The following BBS9 variants were observed in gnomAD, a reference collection of about 807,000 sequenced individuals.
BBS9 encodes the protein protein PTHB1.
In BBS9, 89 loss-of-function variants were observed where a neutral mutation model predicts 117.7. The ratio of observed to expected loss-of-function variants is 0.76; its 90% confidence interval spans 0.64 to 0.90. BBS9 has a LOEUF of 0.90. Ranked by LOEUF, BBS9 falls within the 40% of genes least tolerant of loss-of-function variation. BBS9 has a pLI of 0.00. For synonymous variants in BBS9, 379 were observed against 370.9 expected (o/e 1.02, Z -0.25); for missense variants, 982 against 1,042.2 (o/e 0.94, Z 0.80).
intron 1 of BBS9, among the ~76,000 whole-genome samples, chr7:33,131,928 A>C (rs1157716566): frequency 6.6e-6 from 1 of 152,226 alleles, no homozygotes; most frequent in Non-Finnish European, 1.5e-5. Context: ...CAAAACAAAA[A>C]AGTGTCAAGT....
chr7:33,367,810 T>C lies in BBS9; in HGVS notation c.1737T>C (p.Gly579=), dbSNP rs370213076. The change falls in exon 17 of 23, where the codon GGT becomes GGC. Residue 579 remains glycine (G), a synonymous_variant. Transcript: ENST00000242067. ...ATGATGATCAGGTGAATGTAATGGG[T>C]TTTCACTTCTTAGGAGGTGCTCGAA... The part of the protein sequence containing the change: ...QSDDDQVNVM[G]FHFLGGARIT... The C allele has an allele frequency of 1.2e-6, 2 of 1,613,876 alleles. No individual in the cohort carries two copies. Among genetic ancestry groups the C allele is most frequent in the Non-Finnish European group, 1.7e-6 (2 of 1,179,838 alleles).
At chr7:33,271,052 T>G (rs556840209) in intron 7 of BBS9, among the ~76,000 whole-genome samples, 14 of 152,316 alleles carry the variant, frequency 9.2e-5, no homozygotes, top group African/African-American at 3.4e-4. Flanking sequence ...ATTGGAGGCC[T>G]GTATTCAATA....
chr7:33,366,721 T>G (rs1821834643), intron 16 of BBS9, among the ~76,000 whole-genome samples: 7 of 151,942 alleles, frequency 4.6e-5, no homozygotes, highest in Admixed American at 4.6e-4. Flanking sequence ...ATATTTTGTA[T>G]TTTTAGTAGA....
At position 33,271,837 on chromosome 7, in the gene BBS9, C is replaced by T. The variant is rs921318215; in HGVS notation, c.703-1175C>T. ...TTAACAAAGATATTCAAGGTCTGAA[C>T]TTAATACTTGACCAAATGGACCTAA... On this transcript the variant is annotated intron_variant, in intron 7 of 22. Transcript: ENST00000242067. 2.0e-5 allele frequency among the ~76,000 whole-genome samples: 3 copies of T among 152,158 alleles called. No homozygotes were observed. The South Asian group carries it at 6.2e-4, about 31-fold the overall frequency.
At chr7:33,564,068 A>G (rs1856502226) in intron 21 of BBS9, among the ~76,000 whole-genome samples, 1 of 152,180 alleles carries the variant, frequency 6.6e-6, no homozygotes, top group Admixed American at 6.5e-5. Context: ...ATGTTACTGA[A>G]TCTTGCTTTA....
intron 21 of BBS9, among the ~76,000 whole-genome samples, chr7:33,552,049 T>TA (rs1488578005): frequency 1.3e-5 from 2 of 152,174 alleles, no homozygotes; most frequent in African/African-American, 4.8e-5. Context: ...GAAGTGTTCC[T>TA]AAAAAATAAA....
chr7:33,384,523 C>T (rs1013456150), intron 18 of BBS9, among the ~76,000 whole-genome samples: 1 of 152,116 alleles, frequency 6.6e-6, no homozygotes, highest in Non-Finnish European at 1.5e-5. Context: ...TTGACAGTGA[C>T]AGTCATAGTT....
intron 19 of BBS9, among the ~76,000 whole-genome samples, chr7:33,462,758 A>C (rs1056785406): frequency 1.3e-5 from 2 of 152,106 alleles, no homozygotes; most frequent in African/African-American, 4.8e-5. Context: ...ATTACTCAGA[A>C]TAAGTCAAAT....
intron 19 of BBS9, among the ~76,000 whole-genome samples, chr7:33,467,265 T>C (rs1840316165): frequency 6.6e-6 from 1 of 152,028 alleles, no homozygotes; most frequent in South Asian, 2.1e-4. Flanking sequence ...TACCAAAACA[T>C]CTCTTTTAGT....
intron 1 of BBS9, among the ~76,000 whole-genome samples, chr7:33,131,986 T>C (rs1584043874): frequency 2.0e-5 from 3 of 152,310 alleles, no homozygotes; most frequent in South Asian, 4.1e-4. Context: ...AAGGAGATTA[T>C]CTCCCATTTA....
chr7:33,497,230 G>C (rs1205859657), intron 19 of BBS9, among the ~76,000 whole-genome samples: 1 of 152,238 alleles, frequency 6.6e-6, no homozygotes, highest in African/African-American at 2.4e-5. Flanking sequence ...AAGTAGGTCT[G>C]TTGTTTCCAT....
chr7:33,406,282 C>T (rs950006424), intron 19 of BBS9, among the ~76,000 whole-genome samples: 10 of 152,086 alleles, frequency 6.6e-5, no homozygotes, highest in South Asian at 2.1e-4. Flanking sequence ...AATTTTGGAA[C>T]AGGTGTGGTG....
chr7:33,395,159 TAGAC>T (rs77849180), intron 19 of BBS9, among the ~76,000 whole-genome samples: 4,263 of 152,274 alleles, frequency 0.028, 230 homozygotes, highest in East Asian at 0.26. Flanking sequence ...ACACACCTAT[TAGAC>T]AGGTAACAAA....
At chr7:33,289,643 C>T (rs1312971984) in intron 9 of BBS9, among the ~76,000 whole-genome samples, 1 of 152,102 alleles carries the variant, frequency 6.6e-6, no homozygotes, top group African/African-American at 2.4e-5. Flanking sequence ...CTTATTCCAT[C>T]TTGTTACCTC....
At chr7:33,483,282 C>T (rs1417162182) in intron 19 of BBS9, among the ~76,000 whole-genome samples, 3 of 152,180 alleles carry the variant, frequency 2.0e-5, no homozygotes, top group Admixed American at 1.3e-4. Context: ...ACTTTGTACT[C>T]ATTACACTCA....
At chr7:33,538,950 C>A in intron 21 of BBS9, among the ~76,000 whole-genome samples, 1 of 152,076 alleles carries the variant, frequency 6.6e-6, no homozygotes, top group Non-Finnish European at 1.5e-5. Context: ...AATGATACTT[C>A]ACTATAGATT....
chr7:33,438,610 A>G (rs1835663117), intron 19 of BBS9, among the ~76,000 whole-genome samples: 1 of 152,224 alleles, frequency 6.6e-6, no homozygotes, highest in Non-Finnish European at 1.5e-5. Context: ...CATTTCATAC[A>G]TATCAAACTG....
chr7:33,634,429 A>G (rs1240147554), intron 21 of BBS9, among the ~76,000 whole-genome samples: 2 of 152,224 alleles, frequency 1.3e-5, no homozygotes, highest in Admixed American at 6.5e-5. Flanking sequence ...AAGCAGAGAT[A>G]ATAATGCCTA....
chr7:33,434,875 C>T (rs878901121), intron 19 of BBS9, among the ~76,000 whole-genome samples: 25 of 152,056 alleles, frequency 1.6e-4, no homozygotes, highest in African/African-American at 4.6e-4. Flanking sequence ...TGTAATATTG[C>T]GGCTTTGACC....
Sources: gnomAD v4.1 joint callset for allele counts (sites outside exome capture counted in the v4.1 genomes callset) on GRCh38, gnomAD v4.1.1 for gene constraint, MANE v1.5 for transcripts, NCBI Gene and HGNC (gene_info 2026-07-23, HGNC 2026-07-21) for gene names.